SMARCA5: variants seen among roughly 807,000 people sequenced by gnomAD.
SMARCA5 encodes the protein SNF2 related chromatin remodeling ATPase 5.
A neutral mutation model predicts 140.4 loss-of-function variants in SMARCA5; 18 were observed. The observed-to-expected ratio is 0.13, with a 90% CI of 0.09 to 0.19. The LOEUF is 0.19. Ranked by LOEUF, SMARCA5 falls within the 10% of genes least tolerant of loss-of-function variation. The pLI, the probability that SMARCA5 is intolerant of heterozygous loss-of-function variation, is 1.00. For synonymous variants in SMARCA5, 449 were observed against 419.6 expected, an observed-to-expected ratio of 1.07 and a Z score of -0.86; for missense variants, 606 against 1,276.8, an observed-to-expected ratio of 0.47 and a Z score of 8.01.
chr4:143,535,017 A>C, intron 10 of SMARCA5, 53 bp downstream of exon 10: 2 of 1,250,980 alleles, frequency 1.6e-6, no homozygotes, highest in Non-Finnish European at 2.3e-6. Flanking sequence ...CCTAAATTTC[A>C]TGTGTATTTT....
At chr4:143,527,588 C>T (rs950359647) in intron 6 of SMARCA5, among the ~76,000 whole-genome samples, 6 of 152,096 alleles carry the variant, frequency 3.9e-5, no homozygotes, top group South Asian at 2.1e-4. Context: ...AAGAATTTCC[C>T]GATCTAGTGG....
chr4:143,530,667 AC>A, intron 9 of SMARCA5, 141 bp downstream of exon 9: 1 of 572,126 alleles, frequency 1.7e-6, no homozygotes, highest in Non-Finnish European at 3.1e-6. Flanking sequence ...CTTAACTCTT[AC>A]ATCTTACAAT....
At chr4:143,548,868 C>T (rs1217534231) in intron 22 of SMARCA5, among the ~76,000 whole-genome samples, 1 of 152,008 alleles carries the variant, frequency 6.6e-6, no homozygotes, top group African/African-American at 2.4e-5. Context: ...AGTAAAATGT[C>T]ACTTTGTAAG....
At chr4:143,529,791 G>A (rs1221715276) in intron 8 of SMARCA5, among the ~76,000 whole-genome samples, 1 of 151,998 alleles carries the variant, frequency 6.6e-6, no homozygotes, top group African/African-American at 2.4e-5. Context: ...AGATTGTGTT[G>A]TAAAAAGATA....
Position 143,525,503 on chromosome 4 carries a change from C to T in SMARCA5, c.573C>T (p.Leu191=). 2 of 1,613,612 alleles carry T rather than the reference C, an allele frequency of 1.2e-6. No individual in the cohort carries two copies. The highest frequency in any genetic ancestry group is 4.5e-5 in the East Asian group (2 of 44,846). ...ATCAGGTCCGAGGATTAAACTGGCT[C>T]ATTTCTTTGTATGAGAATGGCATCA... ...RDYQVRGLNW[L]ISLYENGING... The change falls in exon 5 of 24, where the codon CTC becomes CTT. Residue 191 remains leucine, a synonymous_variant. Coordinates refer to ENST00000283131, the MANE Select transcript of SMARCA5 (RefSeq NM_003601.4).
At chr4:143,514,310 C>T (rs1578787170) in intron 1 of SMARCA5, 1 of 517,196 alleles carries the variant, frequency 1.9e-6, no homozygotes, top group Non-Finnish European at 3.4e-6. Context: ...TGGCTCCTCA[C>T]ATTTAAATTA....
In SMARCA5 at chr4:143,543,628, G is replaced by T. The variant is rs1441459311; in HGVS notation, c.2023G>T (p.Asp675Tyr). 1.2e-6 allele frequency: 2 copies of T among 1,613,036 alleles called. No homozygotes were observed. Among genetic ancestry groups the T allele is most frequent in the Non-Finnish European group, 8.5e-7 (1 of 1,179,426 alleles). ...KESEITDEDI[D>Y]GILERGAKKT... ...AAGTGAGATCACTGATGAAGATATC[G>T]ATGGTATTTTGGAAAGAGGTGCAAA... Residue 675 changes from aspartate (D) to tyrosine (Y), a missense_variant, in exon 15 of 24, where the codon GAT (aspartate) becomes TAT (tyrosine). By Grantham distance (160) the Asp-to-Tyr change is radical. Around this residue, in one of 10 missense-constraint regions of SMARCA5, gnomAD observed 62 missense variants for 256.6 expected, o/e 0.24. Transcript: ENST00000283131.
At chr4:143,544,652 T>C in intron 16 of SMARCA5, 85 bp from the exon 17 acceptor site, 1 of 787,452 alleles carries the variant, frequency 1.3e-6, no homozygotes, top group Non-Finnish European at 2.2e-6. Context: ...GTGAATATCT[T>C]TACATTTACA....
chr4:143,526,969 G>A (rs770462623), intron 6 of SMARCA5, among the ~76,000 whole-genome samples: 1 of 152,062 alleles, frequency 6.6e-6, no homozygotes, highest in African/African-American at 2.4e-5. Context: ...ATCATTGGTT[G>A]TGCTCTCATT....
rs761926840 is a variant in SMARCA5 at position 143,538,787 on chromosome 4, A to G, written c.1619A>G (p.Asp540Gly). 5 of 1,613,604 alleles carry G rather than the reference A, an allele frequency of 3.1e-6. No individual in the cohort carries two copies. The Admixed American group carries it at 8.3e-5, about 27-fold the overall frequency. Residue 540 changes from aspartate to glycine, a missense_variant and splice_region_variant, in exon 13 of 24, where the codon GAC (aspartate) becomes GGC (glycine). By Grantham distance (94) the Asp-to-Gly change is moderately conservative (BLOSUM62 -1). Coordinates refer to ENST00000283131, the MANE Select transcript of SMARCA5 (RefSeq NM_003601.4). ...ACAACCATTTTGTTTTATCCATAGG[A>G]CTCCATCAATGCATACAATGAACCA... ...DGQTPHDERQ[D>G]SINAYNEPNS...
chr4:143,540,330 A>G (rs1737404494), intron 13 of SMARCA5, 33 bp from the exon 14 acceptor site: 1 of 1,546,434 alleles, frequency 6.5e-7, no homozygotes, highest in Non-Finnish European at 8.7e-7. Context: ...TGACTTTTAA[A>G]CTAAATTCAA....
chr4:143,539,828 C>T lies in SMARCA5; in HGVS notation c.1771-535C>T, dbSNP rs553181015. Among the ~76,000 whole-genome samples, 119 of 152,268 alleles carry T rather than the reference C, an allele frequency of 7.8e-4. 1 individual carries two copies. Among genetic ancestry groups the T allele is most frequent in the African/African-American group, 2.6e-3 (110 of 41,564 alleles). On this transcript the variant is annotated intron_variant, in intron 13 of 23. Coordinates refer to ENST00000283131, the MANE Select transcript of SMARCA5 (RefSeq NM_003601.4). ...CTGGGATTACAGGAGTGAGCTACTACACCCAGCCCATTAGTCACTTTCATC... is the reference window on the plus strand; with the variant it reads ...CTGGGATTACAGGAGTGAGCTACTATACCCAGCCCATTAGTCACTTTCATC...
Position 143,544,740 on chromosome 4 carries a change from G to A in SMARCA5, c.2176G>A (p.Ala726Thr). 5.1e-6 allele frequency: 8 copies of A among 1,581,142 alleles called. No homozygotes were observed. The highest frequency in any genetic ancestry group is 6.9e-6 in the Non-Finnish European group (8 of 1,154,714). ...TGAGTTGTTTCCCATGTGCTAGATT[G>A]CATTCACAGAGTGGATTGAACCACC... The part of the protein sequence containing the change: ...GEDYREKQKI[A>T]FTEWIEPPKR... The change falls in exon 17 of 24, where the codon GCA becomes ACA. Residue 726 changes from alanine to threonine, a missense_variant. By Grantham distance (58) the Ala-to-Thr change is moderately conservative. Transcript: ENST00000283131.
At chr4:143,544,165 A>G in intron 16 of SMARCA5, 193 bp downstream of exon 16, 1 of 358,024 alleles carries the variant, frequency 2.8e-6, no homozygotes, top group Non-Finnish European at 5.0e-6. Context: ...AATATTTTTA[A>G]AGTTTTTGTA....
At chr4:143,517,808 A>G (rs947792635) in intron 2 of SMARCA5, among the ~76,000 whole-genome samples, 8 of 152,160 alleles carry the variant, frequency 5.3e-5, no homozygotes, top group Admixed American at 3.3e-4. Flanking sequence ...AAATTACAAC[A>G]TGGGAGATTT....
At chr4:143,535,020 T>C in intron 10 of SMARCA5, 56 bp downstream of exon 10, 1 of 1,227,326 alleles carries the variant, frequency 8.1e-7, no homozygotes, top group Non-Finnish European at 1.1e-6. Context: ...AAATTTCATG[T>C]GTATTTTGTT....
intron 15 of SMARCA5, 77 bp from the exon 16 acceptor site, chr4:143,543,776 G>A: frequency 1.3e-6 from 2 of 1,531,608 alleles, no homozygotes; most frequent in Non-Finnish European, 1.8e-6. Context: ...TTGTGTACGT[G>A]AAGTTAATTT....
intron 4 of SMARCA5, 76 bp from the exon 5 acceptor site, chr4:143,525,375 T>C (rs1560813690): frequency 1.3e-5 from 11 of 874,176 alleles, no homozygotes; most frequent in Non-Finnish European, 9.7e-6. Flanking sequence ...TCAGTAGATA[T>C]GTGTAGGCTT....
chr4:143,523,285 C>T (rs1347832822), intron 3 of SMARCA5, among the ~76,000 whole-genome samples: 1 of 151,754 alleles, frequency 6.6e-6, no homozygotes, highest in Non-Finnish European at 1.5e-5. Context: ...CCTCTGCCTC[C>T]TAAAGTGTTG....
Sources: allele counts gnomAD v4.1 joint callset (sites outside exome capture counted in the v4.1 genomes callset), GRCh38; gene constraint gnomAD v4.1.1; regional missense constraint gnomAD v4.1.1; transcripts MANE v1.5; gene names NCBI Gene and HGNC (gene_info 2026-07-23, HGNC 2026-07-21).